Variants in HIVEP2 observed in about 807,000 individuals in gnomAD.
HIVEP2 encodes the protein transcription factor HIVEP2.
A neutral mutation model predicts 180.7 loss-of-function variants in HIVEP2; 14 were observed. That is an observed-to-expected ratio of 0.08 (90% CI 0.05 to 0.12). HIVEP2 has a LOEUF of 0.12. Among genes scored for constraint, HIVEP2 ranks in the 10% least tolerant of loss-of-function variants. HIVEP2 has a pLI of 1.00. For synonymous variants in HIVEP2, 1,184 were observed against 1,136.4 expected (o/e 1.04, Z -0.84); for missense variants, 2,579 against 3,008.5 (o/e 0.86, Z 3.34).
intron 1 of HIVEP2, among the ~76,000 whole-genome samples, chr6:142,933,694 C>T (rs1317149736): frequency 6.6e-6 from 1 of 152,166 alleles, no homozygotes; most frequent in East Asian, 1.9e-4. Flanking sequence ...ACTGAAAAGA[C>T]TTGGACTTTG....
At chr6:142,869,347 A>G (rs1014094698) in intron 1 of HIVEP2, among the ~76,000 whole-genome samples, 6 of 152,214 alleles carry the variant, frequency 3.9e-5, no homozygotes, top group African/African-American at 1.4e-4. Flanking sequence ...AGCTAATCAA[A>G]ATTTTATTCC....
At chr6:142,766,131 C>T (rs542019417) in intron 6 of HIVEP2, among the ~76,000 whole-genome samples, 1 of 152,278 alleles carries the variant, frequency 6.6e-6, no homozygotes, top group South Asian at 2.1e-4. Flanking sequence ...GCAAGTTTAA[C>T]TTCAGTCATC....
chr6:142,893,831 G>A (rs1468999272), intron 1 of HIVEP2, among the ~76,000 whole-genome samples: 3 of 152,002 alleles, frequency 2.0e-5, no homozygotes, highest in African/African-American at 7.3e-5. Flanking sequence ...TTGGTTTATA[G>A]GTAATTCTAC....
At chr6:142,896,182 A>T (rs934560248) in intron 1 of HIVEP2, among the ~76,000 whole-genome samples, 4 of 152,182 alleles carry the variant, frequency 2.6e-5, no homozygotes, top group Admixed American at 1.3e-4. Context: ...AATATAGTCA[A>T]TTGTGTCACA....
chr6:142,932,724 A>G (rs1404428240), intron 1 of HIVEP2, among the ~76,000 whole-genome samples: 1 of 152,222 alleles, frequency 6.6e-6, no homozygotes, highest in Non-Finnish European at 1.5e-5. Flanking sequence ...AGAAATGTCC[A>G]AGAACGGAAT....
intron 1 of HIVEP2, among the ~76,000 whole-genome samples, chr6:142,887,358 G>A (rs569041173): frequency 4.0e-4 from 61 of 152,128 alleles, no homozygotes; most frequent in African/African-American, 1.4e-3. Flanking sequence ...AACCAAAAAT[G>A]TTTCACTAAT....
intron 1 of HIVEP2, among the ~76,000 whole-genome samples, chr6:142,902,314 A>G (rs1777152407): frequency 6.8e-6 from 1 of 146,106 alleles, no homozygotes; most frequent in African/African-American, 2.7e-5. Context: ...GCCTGGTGGT[A>G]TTCTGCCCCC....
intron 1 of HIVEP2, among the ~76,000 whole-genome samples, chr6:142,921,265 C>CG (rs1458820897): frequency 4.6e-5 from 7 of 152,140 alleles, no homozygotes; most frequent in African/African-American, 1.7e-4. Flanking sequence ...GGATAGGCTG[C>CG]GCAAGGTGGC....
chr6:142,807,427 A>G (rs1240532064), intron 2 of HIVEP2, among the ~76,000 whole-genome samples: 2 of 152,198 alleles, frequency 1.3e-5, no homozygotes, highest in African/African-American at 2.4e-5. Context: ...TATCATCCAA[A>G]GGCATGACAG....
chr6:142,807,305 G>T (rs1776578213), intron 2 of HIVEP2, among the ~76,000 whole-genome samples: 1 of 152,130 alleles, frequency 6.6e-6, no homozygotes, highest in East Asian at 1.9e-4. Flanking sequence ...AACTCAGTTT[G>T]CATGCCCTGA....
intron 8 of HIVEP2, among the ~76,000 whole-genome samples, chr6:142,760,961 T>C (rs1451175888): frequency 1.3e-5 from 2 of 152,208 alleles, no homozygotes; most frequent in African/African-American, 4.8e-5. Context: ...GCATGGATAA[T>C]GTTAATTATG....
At chr6:142,886,342 T>A (rs577121272) in intron 1 of HIVEP2, among the ~76,000 whole-genome samples, 54 of 152,210 alleles carry the variant, frequency 3.5e-4, no homozygotes, top group Non-Finnish European at 6.9e-4. Context: ...ACTTTTTATA[T>A]GTATAACCAT....
Position 142,772,239 on chromosome 6 carries a change from A to C in HIVEP2, c.2500T>G (p.Ser834Ala). ...ACTQDKAPSP[S>A]ETCDSEISEA... ...GAAATCTCACTGTCACAAGTCTCTG[A>C]AGGGGAAGGGGCTTTATCCTGTGTG... The change falls in exon 5 of 10, where the codon TCA (serine) becomes GCA (alanine). Residue 834 changes from serine (S) to alanine (A), a missense_variant. Coordinates refer to ENST00000367603, the MANE Select transcript of HIVEP2 (RefSeq NM_006734.4). The surrounding 1 kb of genome is among the most constrained non-coding windows in gnomAD (Gnocchi z 4.9). 6.2e-7 allele frequency: 1 copy of C among 1,614,156 alleles called. No homozygotes were observed. The highest frequency in any genetic ancestry group is 1.1e-5 in the South Asian group (1 of 91,084).
At chr6:142,797,091 T>C (rs1776296698) in intron 2 of HIVEP2, among the ~76,000 whole-genome samples, 1 of 152,184 alleles carries the variant, frequency 6.6e-6, no homozygotes, top group Non-Finnish European at 1.5e-5. Context: ...TTCATGGTAG[T>C]AAATGACAAA....
chr6:142,864,103 G>C (rs959444237), intron 1 of HIVEP2, among the ~76,000 whole-genome samples: 1 of 152,082 alleles, frequency 6.6e-6, no homozygotes, highest in Admixed American at 6.6e-5. Context: ...AGGGCTGTAG[G>C]GGGTGTCCTT....
chr6:142,753,153 G>A lies in HIVEP2; in HGVS notation c.7295C>T (p.Thr2432Ile). The A allele has an allele frequency of 6.2e-7, 1 of 1,613,124 alleles. No homozygotes were observed. The change falls in exon 10 of 10, where the codon ACA (threonine) becomes ATA (isoleucine). Residue 2432 changes from threonine (T) to isoleucine (I), a missense_variant. This residue lies in a region of HIVEP2 where 660 missense variants were observed against 731.7 expected (regional missense o/e 0.90). Transcript: ENST00000367603. Reference sequence around the variant, plus strand: ...TGATGAAGGATCTTTGCTTTCCTCTGTGCTTGAAGATAATTCCTTGCTGCT... The same window carrying A: ...TGATGAAGGATCTTTGCTTTCCTCTATGCTTGAAGATAATTCCTTGCTGCT... ...FHSSKELSSSTEESKDPSSEK... is the reference protein window; with the variant it reads ...FHSSKELSSSIEESKDPSSEK...
At chr6:142,936,574 T>C (rs1778060906) in intron 1 of HIVEP2, among the ~76,000 whole-genome samples, 1 of 152,166 alleles carries the variant, frequency 6.6e-6, no homozygotes, top group Admixed American at 6.5e-5. Flanking sequence ...TCTAGTGCTA[T>C]AATATTTAGG....
chr6:142,875,626 G>C (rs1776416096), intron 1 of HIVEP2, among the ~76,000 whole-genome samples: 1 of 152,168 alleles, frequency 6.6e-6, no homozygotes, highest in African/African-American at 2.4e-5. Flanking sequence ...GAGAGAGCCA[G>C]AAGTACTTAC....
At chr6:142,830,028 A>G (rs967678584) in intron 2 of HIVEP2, among the ~76,000 whole-genome samples, 1 of 152,234 alleles carries the variant, frequency 6.6e-6, no homozygotes, top group African/African-American at 2.4e-5. Flanking sequence ...AATCAAGAGT[A>G]TCTCTTCTGA....
Sources: allele counts gnomAD v4.1 joint callset (sites outside exome capture counted in the v4.1 genomes callset), GRCh38; gene constraint gnomAD v4.1.1; regional missense constraint gnomAD v4.1.1; non-coding constraint Gnocchi (gnomAD v3.1); transcripts MANE v1.5; gene names NCBI Gene and HGNC (gene_info 2026-07-23, HGNC 2026-07-21).